Variants in ANKRD13A observed in about 807,000 individuals in gnomAD.
ANKRD13A encodes the protein ankyrin repeat domain-containing protein 13A.
A neutral mutation model predicts 81.3 loss-of-function variants in ANKRD13A; 48 were observed. The ratio of observed to expected loss-of-function variants is 0.59; its 90% CI spans 0.47 to 0.75. The LOEUF (loss-of-function observed/expected upper bound fraction) is 0.75. Ranked by LOEUF, ANKRD13A falls within the 30% of genes least tolerant of loss-of-function variation. The pLI is 0.00. For synonymous variants in ANKRD13A, 230 were observed against 270.1 expected (o/e 0.85, Z 1.45); for missense variants, 612 against 734.0 (o/e 0.83, Z 1.92).
intron 3 of ANKRD13A, among the ~76,000 whole-genome samples, chr12:110,015,019 G>A (rs1265126854): frequency 1.3e-5 from 2 of 151,778 alleles, no homozygotes; most frequent in African/African-American, 2.4e-5. Context: ...CTCGTGATCC[G>A]CCCGCCTCGG....
chr12:110,023,782 A>G, intron 6 of ANKRD13A: 1 of 380,214 alleles, frequency 2.6e-6, no homozygotes, highest in Non-Finnish European at 4.8e-6. Flanking sequence ...CTTTGTCCTC[A>G]ATGCTGGCAG....
At chr12:110,024,321 A>G in intron 7 of ANKRD13A, among the ~76,000 whole-genome samples, 1 of 152,110 alleles carries the variant, frequency 6.6e-6, no homozygotes, top group East Asian at 1.9e-4. Context: ...GTCTGTAGCT[A>G]TGCTAAAGAG....
Position 110,036,370 on chromosome 12 carries a change from C to T in ANKRD13A, c.1577+42C>T, listed in dbSNP as rs374538336. 25 of 1,589,816 alleles carry T rather than the reference C, an allele frequency of 1.6e-5. No homozygotes were observed. In the African/African-American group the frequency reaches 3.1e-4, roughly 20 times the overall value. ...ACTCTGGAATAAACCAGGGTGAACACAGGCCTGGACACAGGCGAGCAGACG... is the reference window on the plus strand; with the variant it reads ...ACTCTGGAATAAACCAGGGTGAACATAGGCCTGGACACAGGCGAGCAGACG... On this transcript the variant is annotated intron_variant, in intron 14 of 14. Transcript: ENST00000261739. The surrounding 1 kb of genome is among the most constrained non-coding windows in gnomAD (Gnocchi z 4.6).
At chr12:110,016,300 A>G in intron 3 of ANKRD13A, 88 bp from the exon 4 acceptor site, 4 of 977,894 alleles carry the variant, frequency 4.1e-6, no homozygotes, top group Admixed American at 2.7e-5. Flanking sequence ...TTTTTAACCC[A>G]GGGTTTTTAA....
intron 1 of ANKRD13A, among the ~76,000 whole-genome samples, chr12:110,003,741 G>A (rs1055007204): frequency 4.6e-5 from 7 of 152,194 alleles, no homozygotes; most frequent in Admixed American, 2.6e-4. Flanking sequence ...CTCAGAGCTC[G>A]GCAGGAGGAT....
intron 6 of ANKRD13A, among the ~76,000 whole-genome samples, chr12:110,020,400 G>T (rs1166901447): frequency 6.6e-6 from 1 of 152,192 alleles, no homozygotes; most frequent in Non-Finnish European, 1.5e-5. Context: ...CATAAAACTT[G>T]TTAAGTATCC....
intron 2 of ANKRD13A, 43 bp from the exon 3 acceptor site, chr12:110,013,079 TTTG>T: frequency 1.2e-6 from 2 of 1,607,454 alleles, no homozygotes; most frequent in African/African-American, 2.7e-5. Context: ...GGTTTTGGAA[TTTG>T]TCAGAAAGTA....
At chr12:110,028,431 A>C (rs1246224625) in intron 9 of ANKRD13A, 81 bp from the exon 10 acceptor site, 29 of 1,536,842 alleles carry the variant, frequency 1.9e-5, no homozygotes, top group Non-Finnish European at 2.3e-5. Context: ...TAACACGTCC[A>C]CCTCAGACAC....
At chr12:110,009,450 T>C (rs7306815) in intron 1 of ANKRD13A, among the ~76,000 whole-genome samples, 10,660 of 152,280 alleles carry the variant, frequency 0.07, 611 homozygotes, top group African/African-American at 0.15. Flanking sequence ...TTCCTGATTT[T>C]AGTAAGTTAA....
chr12:110,021,146 C>CA (rs1221949670), intron 6 of ANKRD13A: 2 of 456,930 alleles, frequency 4.4e-6, no homozygotes, highest in Non-Finnish European at 8.8e-6. Flanking sequence ...TTGCAACTGA[C>CA]AGTGTGTAGC....
At chr12:110,019,680 G>A (rs548564418) in intron 6 of ANKRD13A, among the ~76,000 whole-genome samples, 2 of 152,180 alleles carry the variant, frequency 1.3e-5, no homozygotes, top group Non-Finnish European at 2.9e-5. Flanking sequence ...ACCACAGAGC[G>A]TGGAGTTTCT....
intron 1 of ANKRD13A, among the ~76,000 whole-genome samples, chr12:110,000,644 T>A (rs1377329912): frequency 6.6e-6 from 1 of 152,110 alleles, no homozygotes; most frequent in Non-Finnish European, 1.5e-5. Context: ...AGGCCGGTTA[T>A]GCTGCTCAAC....
rs75222879 is a variant in ANKRD13A at position 110,016,283 on chromosome 12, T to C, written c.355-105T>C. ...ATTTTATTTCTTCTTATTTTCTCTT[T>C]TTTTTTTTTTTAACCCAGGGTTTTT... On this transcript the variant is annotated intron_variant, in intron 3 of 14. Coordinates refer to ENST00000261739, the MANE Select transcript of ANKRD13A (RefSeq NM_033121.2). 2.8e-4 allele frequency: 196 copies of C among 687,964 alleles called. 1 individual carries two copies. The highest frequency in any genetic ancestry group is 1.3e-3 in the African/African-American group (71 of 53,520). 42.6% of individuals were successfully genotyped at this position (687,964 alleles called of 1,614,324 possible). A position where few individuals can be genotyped will look rare whatever the true frequency, so the allele number is the denominator to read the frequency against.
In ANKRD13A at chr12:110,030,687, GA is replaced by G; in HGVS notation, c.1280del (p.Asn427MetfsTer61). The G allele has an allele frequency of 6.2e-7, 1 of 1,609,802 alleles. No individual in the cohort carries two copies. Among genetic ancestry groups the G allele is most frequent in the Non-Finnish European group, 8.5e-7 (1 of 1,177,730 alleles). The part of the protein sequence containing the change: ...FHVLNARITF[G>X]NVNGCSTAEE... ...GTCTTAAATGCACGGATTACATTTG[GA>G]AATGTTAATGGCTGTAGCACTGCCG... On this transcript the variant is annotated frameshift_variant, in exon 12 of 15. Transcript: ENST00000261739. LOFTEE classifies it high-confidence loss of function.
In ANKRD13A at chr12:110,036,296, CCAGA is replaced by C. The variant is rs763112436; in HGVS notation, c.1548_1551del (p.Asn518ProfsTer26). 15 of 1,613,952 alleles carry C rather than the reference CCAGA, an allele frequency of 9.3e-6. No individual in the cohort carries two copies. The highest frequency in any genetic ancestry group is 1.1e-5 in the Non-Finnish European group (13 of 1,179,942). ...GACCAGCTTCGAATGGAGGGATCAG[CCAGA>C]CAAACACCTATGACGCCCAGTATGA... On this transcript the variant is annotated frameshift_variant, in exon 14 of 15. Transcript: ENST00000261739. LOFTEE classifies it high-confidence loss of function. The surrounding 1 kb of genome is among the most constrained non-coding windows in gnomAD (Gnocchi z 4.6).
At chr12:110,015,348 C>T (rs970611788) in intron 3 of ANKRD13A, among the ~76,000 whole-genome samples, 2 of 152,240 alleles carry the variant, frequency 1.3e-5, no homozygotes, top group Non-Finnish European at 2.9e-5. Flanking sequence ...AAACCTTTTA[C>T]AGTCAAGTTG....
rs1891419131 is a variant in ANKRD13A at position 110,027,691 on chromosome 12, C to T, written c.884-14C>T. 1 of 1,613,798 alleles carries T rather than the reference C, an allele frequency of 6.2e-7. No individual in the cohort carries two copies. The highest frequency in any genetic ancestry group is 8.5e-7 in the Non-Finnish European group (1 of 1,179,762). On this transcript the variant is annotated splice_polypyrimidine_tract_variant and intron_variant, in intron 8 of 14. Transcript: ENST00000261739. ...GATATAATATTAGACTTTAAACTCCCTACCCCTCTGTAGCAGACAGGAACC... is the reference window on the plus strand; with the variant it reads ...GATATAATATTAGACTTTAAACTCCTTACCCCTCTGTAGCAGACAGGAACC...
chr12:109,999,633 C>A lies in ANKRD13A; in HGVS notation c.-56C>A. On this transcript the variant is annotated 5_prime_UTR_variant, in exon 1 of 15. Transcript: ENST00000261739. This position sits in a 1 kb window ranked among gnomAD's most constrained non-coding sequence, Gnocchi z 4.3. ...GGCAGGCAGGCGGGCGCGGGAGACC[C>A]CGCCGGGGCCGAGACTTGGGGCGGG... 1 of 1,433,296 alleles carries A rather than the reference C, an allele frequency of 7.0e-7. No individual in the cohort carries two copies. Among genetic ancestry groups the A allele is most frequent in the Non-Finnish European group, 9.3e-7 (1 of 1,074,152 alleles). 88.8% of individuals were successfully genotyped at this position (1,433,296 alleles called of 1,614,324 possible).
chr12:110,014,801 T>TTTTTTTTTTTTTTTTA (rs1411282830), intron 3 of ANKRD13A, among the ~76,000 whole-genome samples: 1 of 151,540 alleles, frequency 6.6e-6, no homozygotes, highest in African/African-American at 2.4e-5. Context: ...TTTTTTTTTT[T>TTTTTTTTTTTTTTTTA]GAGACGGAAT....
Sources: allele counts gnomAD v4.1 joint callset (sites outside exome capture counted in the v4.1 genomes callset), GRCh38; gene constraint gnomAD v4.1.1; non-coding constraint Gnocchi (gnomAD v3.1); transcripts MANE v1.5; gene names NCBI Gene and HGNC (gene_info 2026-07-23, HGNC 2026-07-21).